Variants in JARID2 observed in about 807,000 individuals in gnomAD.
JARID2 encodes jumonji and AT-rich interaction domain containing 2.
In JARID2, 21 loss-of-function variants were observed where a neutral mutation model predicts 125.6. That is an observed-to-expected ratio of 0.17 (90% CI 0.12 to 0.24). JARID2 has a LOEUF of 0.24. Among genes scored for constraint, JARID2 ranks in the 10% least tolerant of loss-of-function variants. The probability of loss-of-function intolerance (pLI) is 1.00; values close to 1 mark genes in which losing one functional copy is unlikely to be tolerated. For missense variants in JARID2, 1,303 were observed against 1,639.6 expected (o/e 0.79, Z 3.55); for synonymous variants, 736 against 661.6 (o/e 1.11, Z -1.73).
chr6:15,458,314 G>C (rs551316575), intron 4 of JARID2, among the ~76,000 whole-genome samples: 1 of 152,148 alleles, frequency 6.6e-6, no homozygotes, highest in African/African-American at 2.4e-5. Context: ...GATTCCCAAA[G>C]GGGACTCCTG....
intron 1 of JARID2, among the ~76,000 whole-genome samples, chr6:15,331,772 A>G (rs958133402): frequency 6.6e-6 from 1 of 152,132 alleles, no homozygotes; most frequent in African/African-American, 2.4e-5. Flanking sequence ...GTGAGCCGAG[A>G]TTGTGCCATT....
chr6:15,392,339 C>T (rs1765052680), intron 2 of JARID2, among the ~76,000 whole-genome samples: 1 of 152,140 alleles, frequency 6.6e-6, no homozygotes, highest in Admixed American at 6.5e-5. Flanking sequence ...CCCCTACAAG[C>T]TAGACTGATT....
Position 15,496,633 on chromosome 6 carries a change from C to T in JARID2, c.1408C>T (p.Pro470Ser). The change falls in exon 7 of 18, where the codon CCT (proline) becomes TCT (serine). Residue 470 changes from proline (P) to serine (S), a missense_variant. Around this residue, in one of 11 missense-constraint regions of JARID2, gnomAD observed 651 missense variants for 581.6 expected, o/e 1.12. Coordinates refer to ENST00000341776, the MANE Select transcript of JARID2 (RefSeq NM_004973.4). ...AGGGGCGGCTGGCCCCGCCGAAGGCCCTGGCAAGAAGGCCCCGGCCGAGAG... is the reference window on the plus strand; with the variant it reads ...AGGGGCGGCTGGCCCCGCCGAAGGCTCTGGCAAGAAGGCCCCGGCCGAGAG... ...MKGAAGPAEG[P>S]GKKAPAERGL... 6.2e-7 allele frequency: 1 copy of T among 1,610,146 alleles called. No homozygotes were observed. Among genetic ancestry groups the T allele is most frequent in the Non-Finnish European group, 8.5e-7 (1 of 1,179,076 alleles).
At chr6:15,510,350 C>T (rs1019828163) in intron 12 of JARID2, among the ~76,000 whole-genome samples, 19 of 152,110 alleles carry the variant, frequency 1.2e-4, no homozygotes, top group Non-Finnish European at 8.8e-5. Context: ...CCCTCACATC[C>T]CCCTCATTCA....
intron 1 of JARID2, among the ~76,000 whole-genome samples, chr6:15,323,008 C>G (rs550925366): frequency 6.6e-6 from 1 of 152,346 alleles, no homozygotes; most frequent in Admixed American, 6.5e-5. Context: ...GCAATTTGGT[C>G]GTAGCAGCAG....
chr6:15,318,166 C>T (rs938674148), intron 1 of JARID2, among the ~76,000 whole-genome samples: 2 of 152,084 alleles, frequency 1.3e-5, no homozygotes, highest in African/African-American at 4.8e-5. Flanking sequence ...ATCGAGAACC[C>T]TGCCACTGCA....
chr6:15,350,590 A>G (rs1382447637), intron 1 of JARID2, among the ~76,000 whole-genome samples: 1 of 152,220 alleles, frequency 6.6e-6, no homozygotes, highest in Non-Finnish European at 1.5e-5. Flanking sequence ...TCATAGCCTG[A>G]GTATGAGTGA....
chr6:15,283,641 C>CGTCAGTGTACTTTAAGTAT (rs1760873154), intron 1 of JARID2, among the ~76,000 whole-genome samples: 1 of 151,708 alleles, frequency 6.6e-6, no homozygotes, highest in African/African-American at 2.4e-5. Flanking sequence ...CGTGCCCGGC[C>CGTCAGTGTACTTTAAGTAT]ATTCTGATAT....
At chr6:15,494,976 A>G (rs1770341101) in intron 6 of JARID2, among the ~76,000 whole-genome samples, 1 of 152,154 alleles carries the variant, frequency 6.6e-6, no homozygotes, top group Non-Finnish European at 1.5e-5. Flanking sequence ...TGTGTTTCTC[A>G]GTAATTTTGT....
chr6:15,496,343 A>G lies in JARID2; in HGVS notation c.1118A>G (p.His373Arg). ...NHHKPSSAVN[H>R]TISGKTESSN... ...CACAAGCCCAGTTCCGCTGTCAACC[A>G]CACAATCTCAGGGAAAACTGAAAGT... Residue 373 changes from histidine (H) to arginine (R), a missense_variant, in exon 7 of 18, where the codon CAC (histidine) becomes CGC (arginine). His to Arg is a conservative substitution (Grantham distance 29). This residue lies in a region of JARID2 where 651 missense variants were observed against 581.6 expected (regional missense o/e 1.12). Coordinates refer to ENST00000341776, the MANE Select transcript of JARID2 (RefSeq NM_004973.4). The G allele has an allele frequency of 6.2e-7, 1 of 1,614,216 alleles. No individual in the cohort carries two copies. The highest frequency in any genetic ancestry group is 8.5e-7 in the Non-Finnish European group (1 of 1,180,036).
intron 9 of JARID2, among the ~76,000 whole-genome samples, chr6:15,505,859 C>T (rs970104485): frequency 2.0e-5 from 3 of 152,240 alleles, no homozygotes; most frequent in Admixed American, 6.5e-5. Context: ...GCACGCGTTG[C>T]GTTTGTGGTA....
intron 1 of JARID2, among the ~76,000 whole-genome samples, chr6:15,338,057 G>A (rs1003431333): frequency 5.9e-5 from 9 of 152,188 alleles, no homozygotes; most frequent in Admixed American, 3.9e-4. Context: ...TCAGTTTGCC[G>A]ACAGCAGGGA....
At chr6:15,481,462 A>AT (rs1435561926) in intron 5 of JARID2, among the ~76,000 whole-genome samples, 2 of 151,970 alleles carry the variant, frequency 1.3e-5, no homozygotes, top group Admixed American at 6.6e-5. Context: ...GAGAGTGAAT[A>AT]TTTTTTTTCC....
At chr6:15,375,737 G>T (rs1764328504) in intron 2 of JARID2, among the ~76,000 whole-genome samples, 1 of 152,182 alleles carries the variant, frequency 6.6e-6, no homozygotes, top group Admixed American at 6.5e-5. Flanking sequence ...AATGTGGGGG[G>T]TTGGGTATGA....
At chr6:15,281,924 C>CTGTG (rs3138771) in intron 1 of JARID2, among the ~76,000 whole-genome samples, 5,619 of 146,180 alleles carry the variant, frequency 0.038, 100 homozygotes, top group Non-Finnish European at 0.045. Flanking sequence ...GGTATGTGCT[C>CTGTG]TGTGTGTGTG....
intron 1 of JARID2, among the ~76,000 whole-genome samples, chr6:15,269,559 T>C (rs1473526501): frequency 2.0e-5 from 3 of 149,126 alleles, no homozygotes; most frequent in Non-Finnish European, 4.4e-5. Flanking sequence ...TTTGTAGAGA[T>C]GGCTATTTTA....
chr6:15,260,240 A>G (rs1237921575), intron 1 of JARID2, among the ~76,000 whole-genome samples: 1 of 152,142 alleles, frequency 6.6e-6, no homozygotes, highest in Non-Finnish European at 1.5e-5. Flanking sequence ...TGGATTTAAT[A>G]GTGAACTTCT....
At position 15,496,760 on chromosome 6, in the gene JARID2, A is replaced by G; in HGVS notation, c.1535A>G (p.Gln512Arg). Residue 512 changes from glutamine to arginine, a missense_variant, in exon 7 of 18, where the codon CAA becomes CGA. Coordinates refer to ENST00000341776, the MANE Select transcript of JARID2 (RefSeq NM_004973.4). Reference protein sequence around the residue: ...ATAGKSTPGRQAHGKADSASC... With the variant: ...ATAGKSTPGRRAHGKADSASC... ...GCCGGGAAGAGCACGCCAGGCAGAC[A>G]AGCACATGGCAAGGCGGACAGCGCC... The G allele has an allele frequency of 6.2e-7, 1 of 1,613,570 alleles. No homozygotes were observed. The highest frequency in any genetic ancestry group is 1.1e-5 in the South Asian group (1 of 91,042).
intron 1 of JARID2, among the ~76,000 whole-genome samples, chr6:15,302,556 A>G (rs1761669519): frequency 6.6e-6 from 1 of 152,034 alleles, no homozygotes; most frequent in African/African-American, 2.4e-5. Context: ...TTTCTTTTAC[A>G]TGTTTTCTTA....
Sources: allele counts gnomAD v4.1 joint callset (sites outside exome capture counted in the v4.1 genomes callset), GRCh38; gene constraint gnomAD v4.1.1; regional missense constraint gnomAD v4.1.1; transcripts MANE v1.5; gene names NCBI Gene and HGNC (gene_info 2026-07-23, HGNC 2026-07-21).